The following PCDHGA7 variants were observed in gnomAD, a reference collection of about 807,000 sequenced individuals.
The protein encoded by PCDHGA7 is protocadherin gamma subfamily A, 7, also known as protocadherin gamma-A7.
PCDHGA7 carries 44 observed loss-of-function variants against 58.3 expected under a neutral mutation model. That is an observed-to-expected ratio of 0.75 (90% confidence interval 0.59 to 0.97). The LOEUF (loss-of-function observed/expected upper bound fraction) is 0.97. Among genes scored for constraint, PCDHGA7 ranks in the 50% least tolerant of loss-of-function variants. PCDHGA7 has a pLI of 0.00. For synonymous variants in PCDHGA7, 516 were observed against 504.2 expected (o/e 1.02, Z -0.31); for missense variants, 1,266 against 1,188.7 (o/e 1.06, Z -0.96).
intron 1 of PCDHGA7, chr5:141,389,622 G>A: frequency 6.2e-7 from 1 of 1,612,970 alleles, no homozygotes; most frequent in Non-Finnish European, 8.5e-7. Flanking sequence ...GCCGCACGCT[G>A]CAGAGCCTGG....
chr5:141,392,812 C>T (rs2092600989), intron 1 of PCDHGA7: 2 of 1,583,404 alleles, frequency 1.3e-6, no homozygotes, highest in East Asian at 4.5e-5. Flanking sequence ...AGCAAAACAA[C>T]AATGGCCGCT....
At position 141,486,761 on chromosome 5, in the gene PCDHGA7, A is replaced by G. The variant is rs1368106682; in HGVS notation, c.2425-8046A>G. 1 of 1,614,114 alleles carries G rather than the reference A, an allele frequency of 6.2e-7. No homozygotes were observed. The highest frequency in any genetic ancestry group is 8.5e-7 in the Non-Finnish European group (1 of 1,180,056). ...ATCCTTTGACTATGAGCAAACCCAG[A>G]CACTGCAGTTTGAGGTGCAGGCCCG... On this transcript the variant is annotated intron_variant, in intron 1 of 3. Transcript: ENST00000518325. The surrounding 1 kb of genome is among the most constrained non-coding windows in gnomAD (Gnocchi z 5.0).
At chr5:141,419,674 C>T (rs372932653) in intron 1 of PCDHGA7, 48 of 1,612,820 alleles carry the variant, frequency 3.0e-5, no homozygotes, top group Non-Finnish European at 3.7e-5. Context: ...CCTGGCTGTC[C>T]TACCACGTGG....
intron 1 of PCDHGA7, chr5:141,420,003 T>C: frequency 6.2e-7 from 1 of 1,614,100 alleles, no homozygotes; most frequent in Non-Finnish European, 8.5e-7. Flanking sequence ...GCTCTACGCC[T>C]GCGACAGTCT....
intron 1 of PCDHGA7, chr5:141,442,120 C>G (rs766641164): frequency 6.0e-6 from 1 of 165,340 alleles, no homozygotes; most frequent in Admixed American, 6.5e-5. Flanking sequence ...CCCTCGTCGC[C>G]GACAGCCTGC....
At chr5:141,423,785 A>G (rs531378008) in intron 1 of PCDHGA7, 48 of 1,269,536 alleles carry the variant, frequency 3.8e-5, no homozygotes, top group Non-Finnish European at 4.4e-5. Context: ...TTTAGTTCAT[A>G]TATATTTAGA....
In PCDHGA7 at chr5:141,389,615, G is replaced by A. The variant is rs552257647; in HGVS notation, c.2424+4292G>A. 11 of 1,612,972 alleles carry A rather than the reference G, an allele frequency of 6.8e-6. No individual in the cohort carries two copies. The African/African-American group carries it at 8.0e-5, about 12-fold the overall frequency. On this transcript the variant is annotated intron_variant, in intron 1 of 3. Transcript: ENST00000518325. ...GCTCTGCGCTCTTCGATATGGTGCC[G>A]CACGCTGCAGAGCCTGGCTACTTGG...
At chr5:141,409,075 G>A (rs1416534881) in intron 1 of PCDHGA7, 2 of 1,613,904 alleles carry the variant, frequency 1.2e-6, no homozygotes, top group East Asian at 2.2e-5. Flanking sequence ...CAAAACATAT[G>A]TTCTCATTGG....
chr5:141,449,067 T>A lies in PCDHGA7; in HGVS notation c.2425-45740T>A, dbSNP rs547833131. On this transcript the variant is annotated intron_variant, in intron 1 of 3. Transcript: ENST00000518325. ...AGTCTCATAAATGAGCGCTATTGAA[T>A]AGCCCTGTACCTACATCAGTTTTTA... Among the ~76,000 whole-genome samples the A allele has an allele frequency of 3.3e-5, 5 of 152,342 alleles. No homozygotes were observed. In the East Asian group the frequency reaches 9.6e-4, roughly 29 times the overall value.
At chr5:141,393,326 G>C (rs2092729554) in intron 1 of PCDHGA7, 2 of 1,611,218 alleles carry the variant, frequency 1.2e-6, no homozygotes, top group Non-Finnish European at 1.7e-6. Context: ...AGAGCTACCA[G>C]CTCAGCCCCA....
rs1162643765 is a variant in PCDHGA7, at chr5:141,383,852, A to G, written c.953A>G (p.Glu318Gly). Reference sequence around the variant, plus strand: ...GAAGAAACTGCCTTCTATGAAATGGAGGTTCAGGCTCAAGATGGTCCTGGT... The same window carrying G: ...GAAGAAACTGCCTTCTATGAAATGGGGGTTCAGGCTCAAGATGGTCCTGGT... ...DYEETAFYEMEVQAQDGPGSL... is the reference protein window; with the variant it reads ...DYEETAFYEMGVQAQDGPGSL... The change falls in exon 1 of 4, where the codon GAG becomes GGG. Residue 318 changes from glutamate (E) to glycine (G), a missense_variant. Coordinates refer to ENST00000518325, the MANE Select transcript of PCDHGA7 (RefSeq NM_018920.4). 1.9e-6 allele frequency: 3 copies of G among 1,613,966 alleles called. No homozygotes were observed. Among genetic ancestry groups the G allele is most frequent in the East Asian group, 4.5e-5 (2 of 44,890 alleles).
At position 141,491,305 on chromosome 5, in the gene PCDHGA7, G is replaced by T. The variant is rs1461861151; in HGVS notation, c.2425-3502G>T. 6.2e-7 allele frequency: 1 copy of T among 1,614,176 alleles called. No homozygotes were observed. Among genetic ancestry groups the T allele is most frequent in the African/African-American group, 1.3e-5 (1 of 75,048 alleles). ...CCTCATACACCCTCCTGAGCGTTCA[G>T]ACCTTACCCTTTACCTCATTGTGGC... On this transcript the variant is annotated intron_variant, in intron 1 of 3. Coordinates refer to ENST00000518325, the MANE Select transcript of PCDHGA7 (RefSeq NM_018920.4). This position sits in a 1 kb window ranked among gnomAD's most constrained non-coding sequence, Gnocchi z 6.9.
intron 1 of PCDHGA7, among the ~76,000 whole-genome samples, chr5:141,407,155 TG>T (rs1451933301): frequency 1.3e-5 from 2 of 152,232 alleles, no homozygotes; most frequent in Non-Finnish European, 2.9e-5. Flanking sequence ...CTGAAGTGTC[TG>T]GGAATCCTTT....
chr5:141,491,612 G>A lies in PCDHGA7; in HGVS notation c.2425-3195G>A, dbSNP rs759955730. ...GACGGCAGTGACTTCACTTTTCTAAGACCCCTCAGCGTTCAGCAGCCCACA... is the reference window on the plus strand; with the variant it reads ...GACGGCAGTGACTTCACTTTTCTAAAACCCCTCAGCGTTCAGCAGCCCACA... On this transcript the variant is annotated intron_variant, in intron 1 of 3. Coordinates refer to ENST00000518325, the MANE Select transcript of PCDHGA7 (RefSeq NM_018920.4). The surrounding 1 kb of genome is among the most constrained non-coding windows in gnomAD (Gnocchi z 6.9). 6.2e-7 allele frequency: 1 copy of A among 1,613,906 alleles called. No individual in the cohort carries two copies. The highest frequency in any genetic ancestry group is 8.5e-7 in the Non-Finnish European group (1 of 1,180,026).
Position 141,432,010 on chromosome 5 carries a change from CT to C in PCDHGA7, c.2424+46688del. The C allele has an allele frequency of 6.2e-7, 1 of 1,614,068 alleles. No individual in the cohort carries two copies. Among genetic ancestry groups the C allele is most frequent in the Non-Finnish European group, 8.5e-7 (1 of 1,180,022 alleles). ...TCTTGGATAGGGAACAGGTTCCTAG[CT>C]ACAACATCACAGTGACCGCCACTGA... On this transcript the variant is annotated intron_variant, in intron 1 of 3. Coordinates refer to ENST00000518325, the MANE Select transcript of PCDHGA7 (RefSeq NM_018920.4). This position sits in a 1 kb window ranked among gnomAD's most constrained non-coding sequence, Gnocchi z 6.0.
intron 1 of PCDHGA7, chr5:141,404,765 T>A: frequency 6.2e-7 from 1 of 1,613,120 alleles, no homozygotes; most frequent in Non-Finnish European, 8.5e-7. Context: ...TGCTTGGCTC[T>A]CCTACCGCCT....
At chr5:141,448,710 G>T (rs897054829) in intron 1 of PCDHGA7, among the ~76,000 whole-genome samples, 1 of 152,162 alleles carries the variant, frequency 6.6e-6, no homozygotes, top group Non-Finnish European at 1.5e-5. Flanking sequence ...GGAGGCCGAG[G>T]CGGGAGGATC....
intron 1 of PCDHGA7, among the ~76,000 whole-genome samples, chr5:141,457,215 T>C (rs1356941645): frequency 1.3e-5 from 2 of 152,186 alleles, no homozygotes; most frequent in South Asian, 2.1e-4. Flanking sequence ...AAATGTGGTG[T>C]GGTAGGTAAT....
In PCDHGA7 at chr5:141,400,247, T is replaced by C; in HGVS notation, c.2424+14924T>C. 1 of 1,614,050 alleles carries C rather than the reference T, an allele frequency of 6.2e-7. No homozygotes were observed. Among genetic ancestry groups the C allele is most frequent in the East Asian group, 2.2e-5 (1 of 44,884 alleles). ...TTCCTCCTGGCCGTGATTCTGGCCG[T>C]TGCCTTGCGCCTGCGACGCTCCTCC... On this transcript the variant is annotated intron_variant, in intron 1 of 3. Transcript: ENST00000518325.
Sources: allele counts gnomAD v4.1 joint callset (sites outside exome capture counted in the v4.1 genomes callset), GRCh38; gene constraint gnomAD v4.1.1; non-coding constraint Gnocchi (gnomAD v3.1); transcripts MANE v1.5; gene names NCBI Gene and HGNC (gene_info 2026-07-23, HGNC 2026-07-21).